The following CUBN variants were observed in gnomAD, a reference collection of about 807,000 sequenced individuals.
The protein encoded by CUBN is 460 kDa receptor.
Under a neutral mutation model 405.3 loss-of-function variants are expected in CUBN, and 282 were observed. The ratio of observed to expected loss-of-function variants is 0.70; its 90% CI spans 0.63 to 0.77. The LOEUF is 0.77. Ranked by LOEUF, CUBN falls within the 30% of genes least tolerant of loss-of-function variation. The pLI, the probability that CUBN is intolerant of heterozygous loss-of-function variation, is 0.00. For missense variants in CUBN, 4,514 were observed against 4,475.2 expected (o/e 1.01, Z -0.25); for synonymous variants, 1,684 against 1,617.0 (o/e 1.04, Z -0.99).
intron 28 of CUBN, among the ~76,000 whole-genome samples, chr10:17,000,852 A>G (rs1266316030): frequency 6.6e-6 from 1 of 152,178 alleles, no homozygotes; most frequent in African/African-American, 2.4e-5. Flanking sequence ...CATTTAAGAA[A>G]ATTATTGGGA....
intron 22 of CUBN, among the ~76,000 whole-genome samples, chr10:17,059,238 T>C (rs1202028182): frequency 6.6e-6 from 1 of 152,102 alleles, no homozygotes; most frequent in Non-Finnish European, 1.5e-5. Context: ...TCACTAAACA[T>C]TTTCAAATAA....
At chr10:17,006,477 G>A (rs930865018) in intron 28 of CUBN, among the ~76,000 whole-genome samples, 6 of 152,192 alleles carry the variant, frequency 3.9e-5, no homozygotes, top group Non-Finnish European at 4.4e-5. Flanking sequence ...CCCAGAAATC[G>A]TACTACATGT....
chr10:16,990,254 G>A (rs1833541952), intron 29 of CUBN, 80 bp downstream of exon 29: 1 of 1,340,116 alleles, frequency 7.5e-7, no homozygotes, highest in Non-Finnish European at 1.1e-6. Flanking sequence ...CTACTGGAAA[G>A]AATTCGGAAT....
In CUBN at chr10:17,071,349, A is replaced by C. The variant is rs1835734536; in HGVS notation, c.2625+77T>G. 47 of 1,446,598 alleles carry C rather than the reference A, an allele frequency of 3.2e-5. No individual in the cohort carries two copies. In the South Asian group the frequency reaches 5.6e-4, roughly 17 times the overall value. 89.6% of individuals were successfully genotyped at this position (1,446,598 alleles called of 1,614,324 possible). ...ATAAACTACTTTCATTTCCTATAAC[A>C]GATTTGAAGACAACAACCCATAATA... On this transcript the variant is annotated intron_variant, in intron 19 of 66. Transcript: ENST00000377833.
chr10:16,843,911 A>T (rs1320641591), intron 60 of CUBN, among the ~76,000 whole-genome samples: 1 of 152,164 alleles, frequency 6.6e-6, no homozygotes, highest in Non-Finnish European at 1.5e-5. Flanking sequence ...AAATAATGGG[A>T]GTGTATCATG....
chr10:16,937,665 G>C lies in CUBN; in HGVS notation c.5853C>G (p.Ile1951Met), dbSNP rs1177383483. The C allele has an allele frequency of 1.2e-6, 2 of 1,613,924 alleles. No individual in the cohort carries two copies. The highest frequency in any genetic ancestry group is 1.7e-6 in the Non-Finnish European group (2 of 1,179,986). ...LTFHFYSDSSISGKGFLLEWF... is the reference protein window; with the variant it reads ...LTFHFYSDSSMSGKGFLLEWF... ...ACTCCAGAAGGAATCCCTTCCCTGA[G>C]ATTGAAGAGTCGGAGTAAAAATGAA... The change falls in exon 39 of 67, where the codon ATC becomes ATG. Residue 1951 changes from isoleucine to methionine, a missense_variant. Transcript: ENST00000377833.
chr10:17,043,562 A>G (rs1161732264), intron 26 of CUBN, among the ~76,000 whole-genome samples: 3 of 152,192 alleles, frequency 2.0e-5, no homozygotes, highest in African/African-American at 7.2e-5. Context: ...AGTTTGCCAG[A>G]TGTTTTAGTT....
chr10:17,071,213 G>A (rs1835731777), intron 19 of CUBN, among the ~76,000 whole-genome samples: 1 of 151,990 alleles, frequency 6.6e-6, no homozygotes, highest in African/African-American at 2.4e-5. Context: ...GAATTCTCGG[G>A]ACAAATCTCA....
At chr10:17,036,197 G>A (rs1834895622) in intron 27 of CUBN, among the ~76,000 whole-genome samples, 1 of 152,086 alleles carries the variant, frequency 6.6e-6, no homozygotes, top group Non-Finnish European at 1.5e-5. Flanking sequence ...TCAAACACAT[G>A]AGCTCCCTGT....
chr10:16,953,365 G>T (rs1373928783), intron 32 of CUBN, among the ~76,000 whole-genome samples: 1 of 152,148 alleles, frequency 6.6e-6, no homozygotes, highest in Non-Finnish European at 1.5e-5. Context: ...TGCGTATTTG[G>T]GAGACCTCGA....
intron 45 of CUBN, among the ~76,000 whole-genome samples, chr10:16,917,468 A>G (rs1042714865): frequency 3.9e-5 from 6 of 152,196 alleles, no homozygotes; most frequent in Non-Finnish European, 8.8e-5. Flanking sequence ...TCATAATAGT[A>G]TACTGTTAGA....
intron 59 of CUBN, among the ~76,000 whole-genome samples, chr10:16,852,667 G>T (rs1564386594): frequency 6.6e-6 from 1 of 152,194 alleles, no homozygotes; most frequent in Non-Finnish European, 1.5e-5. Context: ...ATTTATTGAA[G>T]ATTTTCCTGG....
intron 17 of CUBN, among the ~76,000 whole-genome samples, chr10:17,072,937 C>A (rs1167722081): frequency 6.6e-6 from 1 of 151,964 alleles, no homozygotes; most frequent in African/African-American, 2.4e-5. Context: ...AAATTGAAAA[C>A]ATTATCAAAT....
In CUBN at chr10:16,841,843, G is replaced by T. The variant is rs540096379; in HGVS notation, c.9664-796C>A. Among the ~76,000 whole-genome samples the T allele has an allele frequency of 4.7e-5, 7 of 149,554 alleles. No individual in the cohort carries two copies. The South Asian group carries it at 1.5e-3, about 32-fold the overall frequency. Reference sequence around the variant, plus strand: ...CAGGAGAATAACTTGAATCTAGGAGGTGGAGGTTACAGTGAGCTGAGATGG... The same window carrying T: ...CAGGAGAATAACTTGAATCTAGGAGTTGGAGGTTACAGTGAGCTGAGATGG... On this transcript the variant is annotated intron_variant, in intron 60 of 66. Coordinates refer to ENST00000377833, the MANE Select transcript of CUBN (RefSeq NM_001081.4).
chr10:17,119,387 C>A (rs111543841), intron 6 of CUBN, among the ~76,000 whole-genome samples: 1 of 152,148 alleles, frequency 6.6e-6, no homozygotes, highest in African/African-American at 2.4e-5. Flanking sequence ...AGGCTGGGCA[C>A]GGTGGCTCAC....
At chr10:16,871,351 T>C (rs1054236000) in intron 58 of CUBN, among the ~76,000 whole-genome samples, 5 of 151,340 alleles carry the variant, frequency 3.3e-5, no homozygotes, top group African/African-American at 9.7e-5. Flanking sequence ...GCATTTTCAA[T>C]TTATTTTGGC....
At chr10:17,014,491 C>A (rs1259934280) in intron 28 of CUBN, among the ~76,000 whole-genome samples, 2 of 152,148 alleles carry the variant, frequency 1.3e-5, no homozygotes, top group Admixed American at 1.3e-4. Flanking sequence ...TTCCAAGGAA[C>A]CCCCACAACT....
chr10:16,950,011 C>A lies in CUBN; in HGVS notation c.5070G>T (p.Ala1690=), dbSNP rs774012822. Reference sequence around the variant, plus strand: ...TGAACGCTGAGGTACCTCGGAGGGGCGCGTCTTCGTGGCCGCCATCCAAAA... The same window carrying A: ...TGAACGCTGAGGTACCTCGGAGGGGAGCGTCTTCGTGGCCGCCATCCAAAA... The part of the protein sequence containing the change: ...VEILDGGHED[A]PLRGRYCGTD... The change falls in exon 34 of 67, where the codon GCG becomes GCT. Residue 1690 remains alanine, a synonymous_variant. Coordinates refer to ENST00000377833, the MANE Select transcript of CUBN (RefSeq NM_001081.4). The A allele has an allele frequency of 4.3e-6, 7 of 1,612,766 alleles. No individual in the cohort carries two copies. The highest frequency in any genetic ancestry group is 1.1e-5 in the South Asian group (1 of 90,970).
Position 17,019,908 on chromosome 10 carries a change from T to G in CUBN, c.4093A>C (p.Lys1365Gln). ...LPPPGSTTSS[K>Q]LQVLLLTDGV... is the part of the protein sequence containing the mutation. Reference sequence around the variant, plus strand: ...TCTGTAAGGAGCAGCACTTGAAGCTTGGAGCTTGTAGTACTCCCTGGAGGG... The same window carrying G: ...TCTGTAAGGAGCAGCACTTGAAGCTGGGAGCTTGTAGTACTCCCTGGAGGG... Residue 1365 changes from lysine (K) to glutamine (Q), a missense_variant, in exon 28 of 67, where the codon AAG (lysine) becomes CAG (glutamine). Lys to Gln is a moderately conservative substitution (Grantham distance 53, BLOSUM62 1). Transcript: ENST00000377833. The G allele has an allele frequency of 6.2e-7, 1 of 1,614,132 alleles. No homozygotes were observed. The highest frequency in any genetic ancestry group is 2.2e-5 in the East Asian group (1 of 44,874).
Sources: gnomAD v4.1 joint callset for allele counts (sites outside exome capture counted in the v4.1 genomes callset) on GRCh38, gnomAD v4.1.1 for gene constraint, MANE v1.5 for transcripts, NCBI Gene and HGNC (gene_info 2026-07-23, HGNC 2026-07-21) for gene names.